AGBL3: variants seen among roughly 807,000 people sequenced by gnomAD.
AGBL3 encodes AGBL carboxypeptidase 3.
AGBL3 carries 68 observed loss-of-function variants against 94.5 expected under a neutral mutation model. The observed-to-expected ratio is 0.72, with a 90% CI of 0.59 to 0.88. The LOEUF is 0.88. Ranked by LOEUF, AGBL3 falls within the 40% of genes least tolerant of loss-of-function variation. The pLI is 0.00. For missense variants in AGBL3, 934 were observed against 1,103.8 expected (o/e 0.85, Z 2.18); for synonymous variants, 354 against 370.7 (o/e 0.95, Z 0.52).
At chr7:135,005,040 A>G (rs925729703) in intron 4 of AGBL3, among the ~76,000 whole-genome samples, 2 of 151,674 alleles carry the variant, frequency 1.3e-5, no homozygotes, top group African/African-American at 2.4e-5. Context: ...AGGAACCCAT[A>G]TGGCCATCAA....
intron 5 of AGBL3, among the ~76,000 whole-genome samples, chr7:135,032,047 A>G (rs1815800216): frequency 6.6e-6 from 1 of 152,120 alleles, no homozygotes; most frequent in Non-Finnish European, 1.5e-5. Context: ...GAAGACTGTC[A>G]TACTGTTCTA....
intron 16 of AGBL3, among the ~76,000 whole-genome samples, chr7:135,125,482 C>G (rs1256316281): frequency 6.6e-6 from 1 of 152,154 alleles, no homozygotes; most frequent in Non-Finnish European, 1.5e-5. Flanking sequence ...GAGCTGGTAC[C>G]ATTCCTTCTG....
At chr7:135,082,803 A>G (rs1821028690) in intron 15 of AGBL3, among the ~76,000 whole-genome samples, 2 of 152,002 alleles carry the variant, frequency 1.3e-5, no homozygotes, top group Admixed American at 1.3e-4. Context: ...TTGTTATACT[A>G]TATATATATG....
intron 15 of AGBL3, chr7:135,093,304 CAT>C (rs1254565884): frequency 1.3e-5 from 2 of 151,826 alleles, no homozygotes; most frequent in Non-Finnish European, 2.9e-5. Context: ...CACACACACA[CAT>C]ACACACGCCA....
At chr7:135,079,385 T>C (rs1031872931) in intron 13 of AGBL3, among the ~76,000 whole-genome samples, 3 of 152,188 alleles carry the variant, frequency 2.0e-5, no homozygotes, top group African/African-American at 7.2e-5. Flanking sequence ...ATTTTTTTGC[T>C]GCCAATCAAT....
intron 2 of AGBL3, 127 bp from the exon 3 acceptor site, chr7:134,989,123 A>T: frequency 1.6e-6 from 1 of 627,522 alleles, no homozygotes; most frequent in Non-Finnish European, 2.7e-6. Context: ...ATAATCCTTT[A>T]ATTTTCTCGT....
At chr7:135,046,057 C>T in intron 11 of AGBL3, 146 bp downstream of exon 11, 1 of 619,528 alleles carries the variant, frequency 1.6e-6, no homozygotes, top group Non-Finnish European at 2.9e-6. Flanking sequence ...TTATTTTGGC[C>T]AGACTTCATT....
chr7:135,039,161 T>C (rs1473271775), intron 8 of AGBL3, among the ~76,000 whole-genome samples: 7 of 152,212 alleles, frequency 4.6e-5, no homozygotes, highest in Non-Finnish European at 7.3e-5. Context: ...AATCACATCC[T>C]GGTTTAAAAC....
In AGBL3 at chr7:135,032,937, T is replaced by C. The variant is rs1325389043; in HGVS notation, c.512T>C (p.Phe171Ser). 6.4e-6 allele frequency: 10 copies of C among 1,551,416 alleles called. No individual in the cohort carries two copies. Among genetic ancestry groups the C allele is most frequent in the African/African-American group, 1.4e-5 (1 of 73,006 alleles). ...PVDYRDNTLM[F>S]EARFESGNLQ... ...GATTACCGTGACAATACTTTGATGT[T>C]TGAAGCAAGGTTTGAGAGTGGTAAT... The change falls in exon 6 of 17, where the codon TTT becomes TCT. Residue 171 changes from phenylalanine (F) to serine (S), a missense_variant. Phe to Ser is a radical substitution (Grantham distance 155). This residue lies in a region of AGBL3 where 488 missense variants were observed against 563.6 expected (regional missense o/e 0.87). Coordinates refer to ENST00000436302, the MANE Select transcript of AGBL3 (RefSeq NM_178563.4).
At chr7:135,039,591 C>G (rs1245998613) in intron 8 of AGBL3, among the ~76,000 whole-genome samples, 3 of 151,772 alleles carry the variant, frequency 2.0e-5, no homozygotes, top group African/African-American at 7.3e-5. Context: ...AAAAATTAGC[C>G]AAGCATGGCA....
At chr7:135,043,924 TTA>T in intron 8 of AGBL3, 99 bp from the exon 9 acceptor site, 1 of 1,405,548 alleles carries the variant, frequency 7.1e-7, no homozygotes, top group Non-Finnish European at 9.4e-7. Context: ...TTAGTGAGAA[TTA>T]TAGACTTTGC....
At chr7:135,071,081 AACAG>A (rs1404021911) in intron 12 of AGBL3, among the ~76,000 whole-genome samples, 3 of 152,166 alleles carry the variant, frequency 2.0e-5, no homozygotes, top group South Asian at 2.1e-4. Flanking sequence ...ATACAGCGAT[AACAG>A]ACAGAGAGCC....
intron 12 of AGBL3, 83 bp from the exon 13 acceptor site, chr7:135,076,313 GA>G: frequency 9.5e-7 from 1 of 1,055,432 alleles, no homozygotes; most frequent in Non-Finnish European, 1.4e-6. Context: ...TTAGAAGTGG[GA>G]ATCTCGAAAC....
intron 5 of AGBL3, among the ~76,000 whole-genome samples, chr7:135,027,040 T>G (rs903754591): frequency 1.3e-4 from 20 of 151,664 alleles, no homozygotes; most frequent in African/African-American, 4.6e-4. Context: ...AAAGTCTATT[T>G]TATTTTACTT....
rs1219349033 is a variant in AGBL3, at chr7:135,034,433, C to A, written c.842C>A (p.Thr281Lys). The change falls in exon 7 of 17, where the codon ACA becomes AAA. Residue 281 changes from threonine (T) to lysine (K), a missense_variant. Transcript: ENST00000436302. ...GATGGGCGCCATTATTTCTCTCTTA[C>A]ATGGACATTTCAATTTCCACACAAC... ...GQDGRHYFSL[T>K]WTFQFPHNKD... is the part of the protein sequence containing the mutation. The A allele has an allele frequency of 2.6e-6, 4 of 1,551,626 alleles. No individual in the cohort carries two copies. The highest frequency in any genetic ancestry group is 3.9e-5 in the Admixed American group (2 of 50,986).
intron 4 of AGBL3, among the ~76,000 whole-genome samples, chr7:135,000,211 T>C (rs1410740948): frequency 6.6e-6 from 1 of 152,248 alleles, no homozygotes; most frequent in Non-Finnish European, 1.5e-5. Flanking sequence ...TGTCCTTCAG[T>C]ATAATGGTTA....
chr7:135,120,026 T>C (rs1826919528), intron 16 of AGBL3, among the ~76,000 whole-genome samples: 1 of 152,156 alleles, frequency 6.6e-6, no homozygotes, highest in African/African-American at 2.4e-5. Flanking sequence ...CTTAGAATCC[T>C]ATACCCAGTG....
intron 8 of AGBL3, among the ~76,000 whole-genome samples, chr7:135,042,043 G>T (rs908188286): frequency 1.3e-5 from 2 of 152,094 alleles, no homozygotes; most frequent in Non-Finnish European, 2.9e-5. Flanking sequence ...TAAGAATTTG[G>T]AGTAACTGGA....
chr7:135,118,290 A>G (rs1251475862), intron 16 of AGBL3, among the ~76,000 whole-genome samples: 2 of 152,194 alleles, frequency 1.3e-5, no homozygotes, highest in African/African-American at 4.8e-5. Flanking sequence ...TTCTAGATTC[A>G]AAGTATTAAT....
Sources: allele counts gnomAD v4.1 joint callset (sites outside exome capture counted in the v4.1 genomes callset), GRCh38; gene constraint gnomAD v4.1.1; regional missense constraint gnomAD v4.1.1; transcripts MANE v1.5; gene names NCBI Gene and HGNC (gene_info 2026-07-23, HGNC 2026-07-21).